DIPK1A: variants seen among roughly 807,000 people sequenced by gnomAD.
The protein encoded by DIPK1A is divergent protein kinase domain 1A.
In DIPK1A, 27 loss-of-function variants were observed where a neutral mutation model predicts 40.8. The ratio of observed to expected loss-of-function variants is 0.66; its 90% CI spans 0.49 to 0.91. The LOEUF (loss-of-function observed/expected upper bound fraction) is 0.91. DIPK1A is among the 40% of genes least tolerant of loss of function. The probability of loss-of-function intolerance (pLI) is 0.00; values close to 1 mark genes in which losing one functional copy is unlikely to be tolerated. For synonymous variants in DIPK1A, 166 were observed against 171.3 expected, an observed-to-expected ratio of 0.97 and a Z score of 0.24; for missense variants, 412 against 505.7, an observed-to-expected ratio of 0.81 and a Z score of 1.78.
At chr1:92,953,829 C>T (rs1004877620) in intron 1 of DIPK1A, among the ~76,000 whole-genome samples, 18 of 152,130 alleles carry the variant, frequency 1.2e-4, no homozygotes, top group East Asian at 3.9e-4. Flanking sequence ...TGTTGCTGCA[C>T]AAAGTGCATA....
At chr1:92,936,042 C>T (rs1326203658) in intron 1 of DIPK1A, among the ~76,000 whole-genome samples, 4 of 152,094 alleles carry the variant, frequency 2.6e-5, no homozygotes, top group Admixed American at 6.6e-5. Context: ...GCTATGATCA[C>T]GCCACTGCAT....
intron 1 of DIPK1A, among the ~76,000 whole-genome samples, chr1:92,929,804 G>C (rs930742096): frequency 6.6e-6 from 1 of 152,132 alleles, no homozygotes; most frequent in African/African-American, 2.4e-5. Context: ...CACACTGGGT[G>C]AATTTTTTTG....
At chr1:92,874,251 C>A (rs140342109) in intron 2 of DIPK1A, among the ~76,000 whole-genome samples, 2 of 152,344 alleles carry the variant, frequency 1.3e-5, no homozygotes, top group Admixed American at 1.3e-4. Context: ...ATTTGCCCTA[C>A]ATTTGAAGGA....
At chr1:92,835,340 A>G (rs1571027592) in intron 4 of DIPK1A, 1 of 266,880 alleles carries the variant, frequency 3.7e-6, no homozygotes, top group African/African-American at 2.2e-5. Flanking sequence ...GTACCAAGTG[A>G]TTTATATGCA....
At chr1:92,849,348 GTTTTTTTTTT>G (rs71586765) in intron 3 of DIPK1A, among the ~76,000 whole-genome samples, 3 of 144,376 alleles carry the variant, frequency 2.1e-5, no homozygotes, top group African/African-American at 7.7e-5. Context: ...GTTTTTTTTT[GTTTTTTTTTT>G]TTTTTTTGAG....
chr1:92,902,178 G>A (rs1219138473), intron 1 of DIPK1A, among the ~76,000 whole-genome samples: 2 of 152,188 alleles, frequency 1.3e-5, no homozygotes, highest in Non-Finnish European at 2.9e-5. Context: ...GGGATGCAGA[G>A]TGCTGCTTCA....
chr1:92,846,815 A>ATGTGTGTG (rs1383151561), intron 4 of DIPK1A, among the ~76,000 whole-genome samples: 20 of 4,586 alleles, frequency 4.4e-3, no homozygotes, highest in South Asian at 0.031. Context: ...ATATATATAT[A>ATGTGTGTG]TATATATATA....
intron 1 of DIPK1A, among the ~76,000 whole-genome samples, chr1:92,911,573 G>A (rs1471878698): frequency 6.6e-6 from 1 of 152,162 alleles, no homozygotes; most frequent in African/African-American, 2.4e-5. Context: ...ACCTACTGAA[G>A]GACATCTGAG....
intron 1 of DIPK1A, among the ~76,000 whole-genome samples, chr1:92,936,993 C>T (rs1259330871): frequency 1.3e-5 from 2 of 152,204 alleles, no homozygotes; most frequent in African/African-American, 4.8e-5. Flanking sequence ...AGTCCCTGTA[C>T]CCACTAGCTA....
chr1:92,894,711 A>G (rs1480430237), intron 1 of DIPK1A, among the ~76,000 whole-genome samples: 2 of 152,176 alleles, frequency 1.3e-5, no homozygotes, highest in East Asian at 3.8e-4. Flanking sequence ...CAATGAATCC[A>G]GGAGCTGGTT....
intron 1 of DIPK1A, among the ~76,000 whole-genome samples, chr1:92,879,330 GT>G (rs1277096383): frequency 1.3e-4 from 20 of 152,222 alleles, no homozygotes; most frequent in Non-Finnish European, 2.8e-4. Flanking sequence ...GATTATTTTA[GT>G]TTTTTAAGGT....
chr1:92,892,711 G>C (rs1490789641), intron 1 of DIPK1A, among the ~76,000 whole-genome samples: 2 of 152,092 alleles, frequency 1.3e-5, no homozygotes, highest in Admixed American at 6.6e-5. Context: ...CCGAGCTAAA[G>C]GAGGAAGTTC....
At chr1:92,840,606 A>T, downstream of DIPK1A, 1 of 1,612,012 alleles carries the variant, frequency 6.2e-7, no homozygotes, top group South Asian at 1.1e-5. Flanking sequence ...CCAGTCTATG[A>T]AAAGAAGCCC....
In DIPK1A at chr1:92,961,453, C is replaced by G; in HGVS notation, c.-24G>C. The G allele has an allele frequency of 4.7e-6, 7 of 1,474,960 alleles. No homozygotes were observed. The highest frequency in any genetic ancestry group is 6.3e-6 in the Non-Finnish European group (7 of 1,105,648). 91.4% of individuals were successfully genotyped at this position (1,474,960 alleles called of 1,614,324 possible). A position where few individuals can be genotyped will look rare whatever the true frequency, so the allele number is the denominator to read the frequency against. On this transcript the variant is annotated 5_prime_UTR_variant, in exon 1 of 5. Transcript: ENST00000370310. ...ATGGTAATCACACATCGCCCCGCCG[C>G]GCTGCAGTCAGAGGCGGACCCGAGC...
At chr1:92,874,026 T>C (rs1483066831) in intron 2 of DIPK1A, among the ~76,000 whole-genome samples, 1 of 152,202 alleles carries the variant, frequency 6.6e-6, no homozygotes, top group Non-Finnish European at 1.5e-5. Flanking sequence ...AAATGCAGAA[T>C]AACTATAATT....
intron 2 of DIPK1A, among the ~76,000 whole-genome samples, chr1:92,853,958 C>T (rs1419721854): frequency 1.3e-5 from 2 of 152,184 alleles, no homozygotes; most frequent in Admixed American, 6.5e-5. Context: ...ACAATCATGG[C>T]TCACCACAGC....
chr1:92,901,842 C>G (rs1649424539), intron 1 of DIPK1A, among the ~76,000 whole-genome samples: 1 of 152,064 alleles, frequency 6.6e-6, no homozygotes, highest in African/African-American at 2.4e-5. Context: ...CTCTAGGGAG[C>G]TAGTCCAGTT....
chr1:92,955,697 CAA>C (rs551282522), intron 1 of DIPK1A, among the ~76,000 whole-genome samples: 14 of 46,592 alleles, frequency 3.0e-4, no homozygotes, highest in Admixed American at 2.3e-4. Context: ...GACTCTGTCT[CAA>C]AAAAAAAAAA....
At chr1:92,918,516 A>G (rs965631997) in intron 1 of DIPK1A, among the ~76,000 whole-genome samples, 10 of 152,022 alleles carry the variant, frequency 6.6e-5, no homozygotes, top group Non-Finnish European at 1.5e-4. Context: ...ACATTCCTCA[A>G]TTTTGCATTT....
Sources: gnomAD v4.1 joint callset for allele counts (sites outside exome capture counted in the v4.1 genomes callset) on GRCh38, gnomAD v4.1.1 for gene constraint, MANE v1.5 for transcripts, NCBI Gene and HGNC (gene_info 2026-07-23, HGNC 2026-07-21) for gene names.